Variants in BDKRB2 observed in about 807,000 individuals in gnomAD.
The protein encoded by BDKRB2 is bradykinin receptor B2, also known as B2 bradykinin receptor.
A neutral mutation model predicts 4.0 loss-of-function variants in BDKRB2; 6 were observed. The ratio of observed to expected loss-of-function variants is 1.49; its 90% CI spans 0.81 to 2.93. The LOEUF is 2.93. Ranked by LOEUF, BDKRB2 falls within the 30% of genes most tolerant of loss-of-function variation. BDKRB2 has a pLI of 0.00. For synonymous variants in BDKRB2, 225 were observed against 215.3 expected (o/e 1.05, Z -0.40); for missense variants, 478 against 520.1 (o/e 0.92, Z 0.79).
chr14:96,227,865 C>T (rs1477251655), intron 1 of BDKRB2, among the ~76,000 whole-genome samples: 1 of 152,206 alleles, frequency 6.6e-6, no homozygotes, highest in Non-Finnish European at 1.5e-5. Flanking sequence ...ACGGAACACC[C>T]ATCAGAGCCC....
intron 1 of BDKRB2, among the ~76,000 whole-genome samples, chr14:96,216,412 C>T (rs1890417542): frequency 6.6e-6 from 1 of 151,990 alleles, no homozygotes; most frequent in Admixed American, 6.6e-5. Flanking sequence ...AGGAGGGTCA[C>T]TTGAGGCCAG....
At position 96,241,703 on chromosome 14, in the gene BDKRB2, C is replaced by A; in HGVS notation, c.*199C>A. 1 of 850,632 alleles carries A rather than the reference C, an allele frequency of 1.2e-6. No homozygotes were observed. The highest frequency in any genetic ancestry group is 1.7e-6 in the Non-Finnish European group (1 of 604,340). The allele number at this position is 850,632 out of a possible 1,614,324, so 52.7% of individuals were successfully genotyped here. A position where few individuals can be genotyped will look rare whatever the true frequency, so the allele number is the denominator to read the frequency against. ...TGGCTGTGAGGATGGGGTGAACTCA[C>A]GCACAGCCAAGGACTCCAAAATCAC... On this transcript the variant is annotated 3_prime_UTR_variant, in exon 3 of 3. Transcript: ENST00000554311.
chr14:96,224,457 T>C (rs1380226287), intron 1 of BDKRB2, among the ~76,000 whole-genome samples: 1 of 152,200 alleles, frequency 6.6e-6, no homozygotes, highest in Non-Finnish European at 1.5e-5. Context: ...CTTAAAAATA[T>C]GGAAACAATA....
At chr14:96,207,826 A>C (rs1255362915) in intron 1 of BDKRB2, among the ~76,000 whole-genome samples, 1 of 152,050 alleles carries the variant, frequency 6.6e-6, no homozygotes. Flanking sequence ...AGGATTCAGA[A>C]GGCACTTAGG....
chr14:96,209,140 G>C (rs1025690490), intron 1 of BDKRB2, among the ~76,000 whole-genome samples: 2 of 152,220 alleles, frequency 1.3e-5, no homozygotes, highest in South Asian at 2.1e-4. Flanking sequence ...CACCCACGCA[G>C]GTGCGGGGGT....
chr14:96,224,378 T>C (rs544794264), intron 1 of BDKRB2, among the ~76,000 whole-genome samples: 1 of 152,372 alleles, frequency 6.6e-6, no homozygotes, highest in African/African-American at 2.4e-5. Flanking sequence ...GCTGTGCCTC[T>C]GTTTGCTCGT....
intron 1 of BDKRB2, among the ~76,000 whole-genome samples, chr14:96,218,052 C>T (rs1462866914): frequency 1.3e-5 from 2 of 152,056 alleles, no homozygotes; most frequent in Non-Finnish European, 2.9e-5. Flanking sequence ...TAACAAGTTC[C>T]TCCAGGACAA....
At chr14:96,209,085 GA>G (rs767387619) in intron 1 of BDKRB2, among the ~76,000 whole-genome samples, 1 of 152,256 alleles carries the variant, frequency 6.6e-6, no homozygotes, top group African/African-American at 2.4e-5. Flanking sequence ...GTCTGCCGGA[GA>G]AAGACCAAAA....
At chr14:96,234,328 A>C (rs962263966) in intron 1 of BDKRB2, among the ~76,000 whole-genome samples, 3 of 152,196 alleles carry the variant, frequency 2.0e-5, no homozygotes, top group Non-Finnish European at 4.4e-5. Context: ...TGATAAAAGC[A>C]GTGAACTCTG....
At chr14:96,240,276 C>T (rs1885239223) in intron 2 of BDKRB2, 127 bp from the exon 3 acceptor site, 2 of 1,340,116 alleles carry the variant, frequency 1.5e-6, no homozygotes, top group East Asian at 2.7e-5. Flanking sequence ...CAGAAAACAG[C>T]CTGAGCTCCA....
At chr14:96,226,075 G>T (rs1251731728) in intron 1 of BDKRB2, among the ~76,000 whole-genome samples, 1 of 152,210 alleles carries the variant, frequency 6.6e-6, no homozygotes, top group Non-Finnish European at 1.5e-5. Flanking sequence ...CCCTCTTCCA[G>T]ACCTGCAGCC....
In BDKRB2 at chr14:96,240,944, C is replaced by T. The variant is rs760136048; in HGVS notation, c.616C>T (p.His206Tyr). The T allele has an allele frequency of 1.9e-6, 3 of 1,593,368 alleles. No individual in the cohort carries two copies. The highest frequency in any genetic ancestry group is 1.2e-5 in the South Asian group (1 of 86,416). Residue 206 changes from histidine (H) to tyrosine (Y), a missense_variant, in exon 3 of 3, where the codon CAC becomes TAC. Transcript: ENST00000554311. ...RTMKEYSDEG[H>Y]NVTACVISYP... ...CATGAAGGAGTACAGCGATGAGGGC[C>T]ACAACGTCACCGCTTGTGTCATCAG... is the stretch of plus-strand genomic sequence containing the variant.
chr14:96,220,663 C>T (rs1035079652), intron 1 of BDKRB2, among the ~76,000 whole-genome samples: 12 of 146,566 alleles, frequency 8.2e-5, no homozygotes, highest in African/African-American at 2.5e-4. Flanking sequence ...CCCTTTTCCT[C>T]CATCTCCCCA....
chr14:96,230,521 A>G (rs912000481), intron 1 of BDKRB2, among the ~76,000 whole-genome samples: 6 of 151,818 alleles, frequency 4.0e-5, no homozygotes, highest in East Asian at 1.9e-4. Context: ...CAGCCCCCCA[A>G]GTAGCTGGGA....
At chr14:96,225,426 G>C (rs1365088637) in intron 1 of BDKRB2, among the ~76,000 whole-genome samples, 3 of 151,718 alleles carry the variant, frequency 2.0e-5, no homozygotes, top group Admixed American at 2.0e-4. Context: ...GGCCCTTGTA[G>C]GGTGGCACTA....
chr14:96,226,730 C>A (rs1285551747), intron 1 of BDKRB2, among the ~76,000 whole-genome samples: 3 of 152,140 alleles, frequency 2.0e-5, no homozygotes, highest in Non-Finnish European at 4.4e-5. Flanking sequence ...GCTGTGTGTC[C>A]TGGTAGAATG....
intron 1 of BDKRB2, among the ~76,000 whole-genome samples, chr14:96,215,652 A>G (rs1049478387): frequency 2.1e-4 from 32 of 152,176 alleles, no homozygotes; most frequent in Non-Finnish European, 8.8e-5. Context: ...GGCTCATTAA[A>G]TACTTGCAAA....
chr14:96,237,645 C>A, intron 2 of BDKRB2: 1 of 1,272,486 alleles, frequency 7.9e-7, no homozygotes. Flanking sequence ...ATAGGGAGAT[C>A]TGTTCTTGGG....
chr14:96,209,926 G>A (rs963627027), intron 1 of BDKRB2, among the ~76,000 whole-genome samples: 1 of 152,130 alleles, frequency 6.6e-6, no homozygotes, highest in African/African-American at 2.4e-5. Context: ...AACTCAGGAG[G>A]CAGAGGTTGC....
Sources: allele counts gnomAD v4.1 joint callset (sites outside exome capture counted in the v4.1 genomes callset), GRCh38; gene constraint gnomAD v4.1.1; transcripts MANE v1.5; gene names NCBI Gene and HGNC (gene_info 2026-07-23, HGNC 2026-07-21).